Variants in SMURF1 observed in about 807,000 individuals in gnomAD.
SMURF1 encodes the protein SMAD specific E3 ubiquitin protein ligase 1, also known as E3 ubiquitin-protein ligase SMURF1.
A neutral mutation model predicts 98.0 loss-of-function variants in SMURF1; 44 were observed. The observed-to-expected ratio is 0.45, with a 90% CI of 0.35 to 0.58. The LOEUF (loss-of-function observed/expected upper bound fraction) is 0.58, where lower values mean the gene tolerates loss of function less well. Ranked by LOEUF, SMURF1 falls within the 20% of genes least tolerant of loss-of-function variation. The probability of loss-of-function intolerance (pLI) is 0.00; values close to 1 mark genes in which losing one functional copy is unlikely to be tolerated. For missense variants in SMURF1, 687 were observed against 938.4 expected (o/e 0.73, Z 3.50); for synonymous variants, 396 against 374.9 (o/e 1.06, Z -0.65).
chr7:99,135,590 T>A (rs1315648878), intron 1 of SMURF1, among the ~76,000 whole-genome samples: 1 of 152,268 alleles, frequency 6.6e-6, no homozygotes, highest in African/African-American at 2.4e-5. Flanking sequence ...ACTATCTTAT[T>A]ATGTTACAGC....
chr7:99,037,282 G>C (rs1795182181), intron 14 of SMURF1, 95 bp from the exon 15 acceptor site: 6 of 1,506,892 alleles, frequency 4.0e-6, no homozygotes, highest in Non-Finnish European at 5.5e-6. Flanking sequence ...CTGTCACCCA[G>C]GCTGGAGTGC....
intron 1 of SMURF1, among the ~76,000 whole-genome samples, chr7:99,127,188 G>A (rs754413425): frequency 9.9e-5 from 15 of 152,206 alleles, no homozygotes; most frequent in Non-Finnish European, 2.1e-4. Flanking sequence ...GACGAGCACA[G>A]GGATAGTCAT....
chr7:99,139,252 AC>A (rs1230736399), intron 1 of SMURF1, among the ~76,000 whole-genome samples: 3 of 152,206 alleles, frequency 2.0e-5, no homozygotes, highest in Non-Finnish European at 4.4e-5. Flanking sequence ...AACACAAGTC[AC>A]CCTTACATCC....
intron 14 of SMURF1, among the ~76,000 whole-genome samples, chr7:99,037,502 G>A (rs377199574): frequency 8.9e-4 from 135 of 152,332 alleles, no homozygotes; most frequent in Middle Eastern, 3.4e-3. Flanking sequence ...GTCTCCCAAA[G>A]TGTTGGGATT....
chr7:99,106,834 G>T (rs894459614), intron 1 of SMURF1, among the ~76,000 whole-genome samples: 11 of 152,328 alleles, frequency 7.2e-5, no homozygotes, highest in African/African-American at 2.2e-4. Flanking sequence ...TTTAAGGATT[G>T]AATCAAAGCT....
rs765038118 is a variant in SMURF1, at chr7:99,033,134, C to T, written c.2012-13G>A. 5.8e-6 allele frequency: 9 copies of T among 1,563,686 alleles called. No individual in the cohort carries two copies. Among genetic ancestry groups the T allele is most frequent in the Non-Finnish European group, 7.8e-6 (9 of 1,153,520 alleles). ...GCGCCTGTAGAACCTTACAAGACAA[C>T]ATTCTAGTTAATGTACTTCAGAGTT... On this transcript the variant is annotated splice_polypyrimidine_tract_variant and intron_variant, in intron 16 of 17. Coordinates refer to ENST00000361368, the MANE Select transcript of SMURF1 (RefSeq NM_181349.3).
intron 1 of SMURF1, among the ~76,000 whole-genome samples, chr7:99,108,611 C>CAAAAAAAAAAAAAAAAAAAA (rs11458541): frequency 6.8e-5 from 4 of 58,550 alleles, no homozygotes; most frequent in African/African-American, 1.9e-4. Context: ...AACTCTGTCT[C>CAAAAAAAAAAAAAAAAAAAA]AAAAAAAAAA....
chr7:99,063,394 G>A (rs1449803454), intron 1 of SMURF1, among the ~76,000 whole-genome samples: 1 of 147,374 alleles, frequency 6.8e-6, no homozygotes, highest in African/African-American at 2.5e-5. Flanking sequence ...TTGGGCTCTA[G>A]GGATCCTCCA....
Position 99,067,487 on chromosome 7 carries a change from A to T in SMURF1, c.56-5650T>A, listed in dbSNP as rs545147379. Among the ~76,000 whole-genome samples the T allele has an allele frequency of 9.2e-5, 14 of 152,178 alleles. No individual in the cohort carries two copies. The South Asian group carries it at 2.9e-3, about 32-fold the overall frequency. ...CCAGATCATGCCTCTTACATGCCAT[A>T]ATTTCCTAATCACATCCCGTAGTTT... On this transcript the variant is annotated intron_variant, in intron 1 of 17. Transcript: ENST00000361368.
intron 1 of SMURF1, among the ~76,000 whole-genome samples, chr7:99,092,589 G>A (rs1264987057): frequency 6.6e-6 from 1 of 152,114 alleles, no homozygotes; most frequent in African/African-American, 2.4e-5. Flanking sequence ...TCTATTTAGT[G>A]CCATGTTTTT....
chr7:99,139,455 A>G (rs541244506), intron 1 of SMURF1, among the ~76,000 whole-genome samples: 2 of 152,344 alleles, frequency 1.3e-5, no homozygotes, highest in East Asian at 3.9e-4. Flanking sequence ...AGGCACTTGT[A>G]TTTCAACTAA....
At chr7:99,034,379 A>G (rs919019055) in intron 16 of SMURF1, among the ~76,000 whole-genome samples, 4 of 152,230 alleles carry the variant, frequency 2.6e-5, no homozygotes, top group African/African-American at 9.6e-5. Context: ...GACAGGGACT[A>G]TCTCTAAGCA....
intron 1 of SMURF1, among the ~76,000 whole-genome samples, chr7:99,102,028 G>T (rs1797094413): frequency 6.6e-6 from 1 of 151,114 alleles, no homozygotes; most frequent in Admixed American, 6.6e-5. Flanking sequence ...GACTTTTAAT[G>T]TGATATTATG....
chr7:99,078,710 C>T (rs1321433762), intron 1 of SMURF1, among the ~76,000 whole-genome samples: 1 of 152,218 alleles, frequency 6.6e-6, no homozygotes, highest in Non-Finnish European at 1.5e-5. Flanking sequence ...TGCGAGGGGT[C>T]TAGGTTGCAC....
intron 1 of SMURF1, among the ~76,000 whole-genome samples, chr7:99,123,237 T>TA (rs532418778): frequency 4.6e-5 from 7 of 152,126 alleles, no homozygotes; most frequent in East Asian, 1.9e-4. Flanking sequence ...TAAATGGCAA[T>TA]AAAAAAATAA....
intron 1 of SMURF1, among the ~76,000 whole-genome samples, chr7:99,092,599 T>C (rs993789276): frequency 2.6e-5 from 4 of 152,216 alleles, no homozygotes; most frequent in African/African-American, 9.7e-5. Context: ...GCCATGTTTT[T>C]CACATGTCTG....
At chr7:99,060,804 C>A in intron 2 of SMURF1, 97 bp from the exon 3 acceptor site, 2 of 770,220 alleles carry the variant, frequency 2.6e-6, no homozygotes, top group Non-Finnish European at 4.1e-6. Context: ...AGGATAATTT[C>A]AATCAGCAAA....
intron 17 of SMURF1, 192 bp from the exon 18 acceptor site, chr7:99,030,875 T>C: frequency 2.0e-6 from 1 of 508,214 alleles, no homozygotes; most frequent in Admixed American, 3.5e-5. Context: ...TTGTTTTTGC[T>C]TTTTGGTAGA....
At chr7:99,057,608 T>TTG (rs1554440710) in intron 3 of SMURF1, 57 bp from the exon 4 acceptor site, 3 of 1,403,610 alleles carry the variant, frequency 2.1e-6, no homozygotes, top group African/African-American at 1.5e-5. Flanking sequence ...TTGTTTTGTT[T>TTG]TTTTTTTTTT....
Sources: allele counts gnomAD v4.1 joint callset (sites outside exome capture counted in the v4.1 genomes callset), GRCh38; gene constraint gnomAD v4.1.1; transcripts MANE v1.5; gene names NCBI Gene and HGNC (gene_info 2026-07-23, HGNC 2026-07-21).